The following DCLRE1C variants were observed in gnomAD, a reference collection of about 807,000 sequenced individuals.
The protein encoded by DCLRE1C is protein artemis.
In DCLRE1C, 47 loss-of-function variants were observed where a neutral mutation model predicts 61.4. The ratio of observed to expected loss-of-function variants is 0.77; its 90% CI spans 0.61 to 0.98. The LOEUF (loss-of-function observed/expected upper bound fraction) is 0.98. DCLRE1C is among the 50% of genes least tolerant of loss of function. DCLRE1C has a pLI of 0.00. For missense variants in DCLRE1C, 858 were observed against 816.0 expected, an observed-to-expected ratio of 1.05 and a Z score of -0.63; for synonymous variants, 337 against 287.6, an observed-to-expected ratio of 1.17 and a Z score of -1.74.
downstream of DCLRE1C, chr10:14,903,814 C>T (rs1834177249): frequency 6.6e-6 from 1 of 152,152 alleles, no homozygotes; most frequent in Non-Finnish European, 1.5e-5. Context: ...CTCATTGCTC[C>T]AGGCTTTGAT....
rs1299178983 is a variant in DCLRE1C, at chr10:14,946,528, TG to T, written c.162-1340del. ...TAATTACCTTCACCATAGAATGCGG[TG>T]GAAGTAATTGCATGGCTTTTGAGGT... On this transcript the variant is annotated intron_variant, in intron 2 of 13. Transcript: ENST00000378278. Among the ~76,000 whole-genome samples, 43 of 152,236 alleles carry T rather than the reference TG, an allele frequency of 2.8e-4. 1 individual carries two copies. Among genetic ancestry groups the T allele is most frequent in the Admixed American group, 2.7e-3 (41 of 15,276 alleles).
In DCLRE1C at chr10:14,912,175, C is replaced by G. The variant is rs376336391; in HGVS notation, c.1157-2845G>C. 7.9e-5 allele frequency among the ~76,000 whole-genome samples: 12 copies of G among 152,246 alleles called. No individual in the cohort carries two copies. The East Asian group carries it at 1.9e-3, about 24-fold the overall frequency. On this transcript the variant is annotated intron_variant, in intron 13 of 13. Transcript: ENST00000378278. ...TCATAAGGCTGGAGACTTGATCTGC[C>G]TAAGTGCTAGAATTACAGGCTTGAG...
At chr10:14,934,810 T>C in intron 6 of DCLRE1C, 35 bp from the exon 7 acceptor site, 1 of 1,498,148 alleles carries the variant, frequency 6.7e-7, no homozygotes, top group Middle Eastern at 1.7e-4. Context: ...AGCCATCCAA[T>C]GTGATATAAA....
Position 14,932,881 on chromosome 10 carries a change from A to C in DCLRE1C, c.753T>G (p.Thr251=). ...ILHHLTTDRN[T]QIHACRHPKA... is the part of the protein sequence containing the mutation. ...TGGGATGCCGGCATGCATGGATCTGAGTGTTGCGGTCTGTTGTGAGATGAT... is the reference window on the plus strand; with the variant it reads ...TGGGATGCCGGCATGCATGGATCTGCGTGTTGCGGTCTGTTGTGAGATGAT... Residue 251 remains threonine (T), a synonymous_variant, in exon 9 of 14, where the codon ACT becomes ACG. Coordinates refer to ENST00000378278, the MANE Select transcript of DCLRE1C (RefSeq NM_001033855.3). 1 of 1,614,150 alleles carries C rather than the reference A, an allele frequency of 6.2e-7. No individual in the cohort carries two copies. Among genetic ancestry groups the C allele is most frequent in the Non-Finnish European group, 8.5e-7 (1 of 1,180,038 alleles).
At chr10:14,947,037 C>A (rs1444503649) in intron 2 of DCLRE1C, among the ~76,000 whole-genome samples, 1 of 151,932 alleles carries the variant, frequency 6.6e-6, no homozygotes, top group Non-Finnish European at 1.5e-5. Flanking sequence ...CATGGTGAAA[C>A]CCCATCTCTA....
chr10:14,935,352 G>C, intron 6 of DCLRE1C, 111 bp downstream of exon 6: 1 of 1,206,384 alleles, frequency 8.3e-7, no homozygotes, highest in Non-Finnish European at 1.2e-6. Context: ...TGTTATCCCA[G>C]CTACTTGGGA....
intron 13 of DCLRE1C, 24 bp downstream of exon 13, chr10:14,919,714 T>C: frequency 6.3e-7 from 1 of 1,586,000 alleles, no homozygotes. Context: ...CCCACCCCTC[T>C]GAACCCAGGA....
chr10:14,954,062 G>A lies in DCLRE1C; in HGVS notation c.-52C>T, dbSNP rs758704675. On this transcript the variant is annotated 5_prime_UTR_variant, in exon 1 of 14. Coordinates refer to ENST00000378278, the MANE Select transcript of DCLRE1C (RefSeq NM_001033855.3). ...CCCCAAAACCGCAGCTGAAGCCAAG[G>A]CCAGCCCTGACCGCGCCGCCACTTC... is the stretch of plus-strand genomic sequence containing the variant. 5.0e-6 allele frequency: 8 copies of A among 1,609,640 alleles called. No individual in the cohort carries two copies. Among genetic ancestry groups the A allele is most frequent in the East Asian group, 2.2e-5 (1 of 44,846 alleles).
At chr10:14,954,326 T>G (rs567023562), upstream of DCLRE1C, 52 of 462,516 alleles carry the variant, frequency 1.1e-4, no homozygotes, top group African/African-American at 9.1e-4. Context: ...CCCATGTCTG[T>G]GGAGGTGCAG....
At chr10:14,954,402 G>T (rs972456970), upstream of DCLRE1C, 25 of 337,048 alleles carry the variant, frequency 7.4e-5, no homozygotes, top group African/African-American at 4.6e-4. Context: ...GTGGGCTGCG[G>T]AACTGCGCTT....
intron 3 of DCLRE1C, among the ~76,000 whole-genome samples, chr10:14,942,951 C>T (rs1196897500): frequency 6.6e-6 from 1 of 152,076 alleles, no homozygotes; most frequent in East Asian, 1.9e-4. Flanking sequence ...ATGGCAAAAC[C>T]CCATCTCTAC....
downstream of DCLRE1C, chr10:14,903,626 C>T (rs547402793): frequency 6.6e-5 from 10 of 152,248 alleles, no homozygotes; most frequent in African/African-American, 2.4e-4. Flanking sequence ...TTTTATTAGT[C>T]AACCTACGAA....
Position 14,905,088 on chromosome 10 carries a change from A to G in DCLRE1C, c.*3320T>C, listed in dbSNP as rs912877853. ...TTCTGTTTTACAGTCATTTCCAGTAAGACTATAAAAGGGGCAGAAAAATAC... is the reference window on the plus strand; with the variant it reads ...TTCTGTTTTACAGTCATTTCCAGTAGGACTATAAAAGGGGCAGAAAAATAC... On this transcript the variant is annotated 3_prime_UTR_variant, in exon 14 of 14. Coordinates refer to ENST00000378278, the MANE Select transcript of DCLRE1C (RefSeq NM_001033855.3). 2.0e-5 allele frequency among the ~76,000 whole-genome samples: 3 copies of G among 152,238 alleles called. No individual in the cohort carries two copies. Among genetic ancestry groups the G allele is most frequent in the African/African-American group, 7.2e-5 (3 of 41,460 alleles).
chr10:14,908,431 T>G lies in DCLRE1C; in HGVS notation c.2056A>C (p.Lys686Gln). ...TCTTAGGTATCTAAGAGTGAGCATT[T>G]TCTTTTTTTGACTGCTATACTCTCA... ...TGESIAVKKR[K>Q]CSLLDT is the part of the protein sequence containing the mutation. Residue 686 changes from lysine (K) to glutamine (Q), a missense_variant, in exon 14 of 14, where the codon AAA becomes CAA. Around this residue, in one of 2 missense-constraint regions of DCLRE1C, gnomAD observed 843 missense variants for 783.5 expected, o/e 1.08. Transcript: ENST00000378278. 1 of 1,614,006 alleles carries G rather than the reference T, an allele frequency of 6.2e-7. No individual in the cohort carries two copies. The highest frequency in any genetic ancestry group is 8.5e-7 in the Non-Finnish European group (1 of 1,179,978).
chr10:14,920,344 A>C, intron 12 of DCLRE1C: 1 of 1,022,652 alleles, frequency 9.8e-7, no homozygotes, highest in South Asian at 3.4e-5. Flanking sequence ...GATAAAATAC[A>C]AAAAGGCAGA....
Position 14,907,711 on chromosome 10 carries a change from C to CA in DCLRE1C, c.*696dup, listed in dbSNP as rs1588884512. ...TGGTTTTTCCATCCTTTTAACCTAT[C>CA]AATCACTTGAATTGACTTTCTTTAT... On this transcript the variant is annotated 3_prime_UTR_variant, in exon 14 of 14. Coordinates refer to ENST00000378278, the MANE Select transcript of DCLRE1C (RefSeq NM_001033855.3). Among the ~76,000 whole-genome samples the CA allele has an allele frequency of 3.9e-5, 6 of 152,126 alleles. No individual in the cohort carries two copies.
chr10:14,930,340 C>T (rs1838775121), intron 9 of DCLRE1C, among the ~76,000 whole-genome samples: 1 of 148,546 alleles, frequency 6.7e-6, no homozygotes, highest in Non-Finnish European at 1.5e-5. Context: ...ACCACGTTAC[C>T]CAGGCTGGTC....
intron 13 of DCLRE1C, among the ~76,000 whole-genome samples, chr10:14,914,788 A>G (rs1185419845): frequency 6.6e-6 from 1 of 151,988 alleles, no homozygotes. Flanking sequence ...AAAATACAAA[A>G]CATTAGCCAG....
intron 3 of DCLRE1C, among the ~76,000 whole-genome samples, chr10:14,943,095 C>T (rs1841129154): frequency 6.6e-6 from 1 of 152,120 alleles, no homozygotes; most frequent in Admixed American, 6.5e-5. Flanking sequence ...CCTCTGCGCT[C>T]CAGCCTGTGA....
Sources: gnomAD v4.1 joint callset for allele counts (sites outside exome capture counted in the v4.1 genomes callset) on GRCh38, gnomAD v4.1.1 for gene constraint, gnomAD v4.1.1 regional missense constraint, MANE v1.5 for transcripts, NCBI Gene and HGNC (gene_info 2026-07-23, HGNC 2026-07-21) for gene names.